Variants in TMEM47 observed in about 807,000 individuals in gnomAD.
TMEM47 encodes brain cell membrane protein 1.
TMEM47 carries 3 observed loss-of-function variants against 12.4 expected under a neutral mutation model. The observed-to-expected ratio is 0.24, with a 90% CI of 0.11 to 0.63. The LOEUF is 0.63. Among genes scored for constraint, TMEM47 ranks in the 20% least tolerant of loss-of-function variants. The probability of loss-of-function intolerance (pLI) is 0.86; values close to 1 mark genes in which losing one functional copy is unlikely to be tolerated. For synonymous variants in TMEM47, 62 were observed against 63.3 expected, an observed-to-expected ratio of 0.98 and a Z score of 0.10; for missense variants, 89 against 143.8, an observed-to-expected ratio of 0.62 and a Z score of 1.95.
Position 34,646,278 on chromosome X carries a change from T to C in TMEM47, c.227-6891A>G, listed in dbSNP as rs370494928. The stretch of plus-strand genomic sequence containing the variant: ...CTTCACAGAATTCTGTCTTAGATAA[T>C]TCAGTGGAAATGTAATTAATAATCT... On this transcript the variant is annotated intron_variant, in intron 1 of 2. Coordinates refer to ENST00000275954, the MANE Select transcript of TMEM47 (RefSeq NM_031442.4). 4.6e-4 allele frequency among the ~76,000 whole-genome samples: 52 copies of C among 112,088 alleles called. 1 individual carries two copies. The South Asian group carries it at 0.015, about 33-fold the overall frequency.
At chrX:34,640,614 T>A (rs1921798551) in intron 1 of TMEM47, among the ~76,000 whole-genome samples, 1 of 111,747 alleles carries the variant, frequency 8.9e-6, no homozygotes, top group African/African-American at 3.3e-5. Flanking sequence ...TTTTAATCTA[T>A]CATTAAATTG....
intron 1 of TMEM47, among the ~76,000 whole-genome samples, chrX:34,644,344 G>T (rs970638667): frequency 8.9e-6 from 1 of 112,098 alleles, no homozygotes; most frequent in Non-Finnish European, 1.9e-5. Context: ...TATGAGACTG[G>T]CCTGAAATCG....
At chrX:34,646,123 A>C in intron 1 of TMEM47, among the ~76,000 whole-genome samples, 1 of 111,715 alleles carries the variant, frequency 9.0e-6, no homozygotes, top group Non-Finnish European at 1.9e-5. Flanking sequence ...GGTTGTCCAA[A>C]ATGCCAGATG....
rs1267804633 is a variant in TMEM47 at position 34,651,646 on chromosome X, C to T, written c.226+5158G>A. 3.6e-5 allele frequency among the ~76,000 whole-genome samples: 4 copies of T among 112,059 alleles called. No individual in the cohort carries two copies. The Admixed American group carries it at 3.8e-4, about 11-fold the overall frequency. On this transcript the variant is annotated intron_variant, in intron 1 of 2. Transcript: ENST00000275954. ...TACTCTTGGTAAGAATCCATCTTTA[C>T]CACTAGTTAATTGAGACCTTGGTAA...
intron 1 of TMEM47, among the ~76,000 whole-genome samples, chrX:34,651,268 A>T (rs965641491): frequency 9.0e-6 from 1 of 111,472 alleles, no homozygotes; most frequent in African/African-American, 3.3e-5. Flanking sequence ...GGCTCTTATG[A>T]CTCTTGTCCT....
At chrX:34,639,147 C>G in intron 2 of TMEM47, 100 bp downstream of exon 2, 1 of 964,472 alleles carries the variant, frequency 1.0e-6, no homozygotes, top group Non-Finnish European at 1.4e-6. Flanking sequence ...TCAATTTTTA[C>G]GTAATGCAGC....
chrX:34,656,583 G>A (rs1922111826), intron 1 of TMEM47, among the ~76,000 whole-genome samples: 1 of 111,213 alleles, frequency 9.0e-6, no homozygotes, highest in South Asian at 3.9e-4. Flanking sequence ...GGGAGAGGGC[G>A]TGGGCTGTCG....
chrX:34,637,794 A>T lies in TMEM47; in HGVS notation c.367+1453T>A, dbSNP rs150161579. ...TGAAGTCTCGGATAGAGATGTTTCC[A>T]AGCGGTAGTAGTAATGTGTCTGTTT... On this transcript the variant is annotated intron_variant, in intron 2 of 2. Coordinates refer to ENST00000275954, the MANE Select transcript of TMEM47 (RefSeq NM_031442.4). Among the ~76,000 whole-genome samples, 232 of 111,624 alleles carry T rather than the reference A, an allele frequency of 2.1e-3. 2 individuals are homozygous for T. Among genetic ancestry groups the T allele is most frequent in the African/African-American group, 7.2e-3 (222 of 30,747 alleles).
intron 1 of TMEM47, among the ~76,000 whole-genome samples, chrX:34,647,881 T>G (rs1921941878): frequency 8.9e-6 from 1 of 112,045 alleles, no homozygotes; most frequent in South Asian, 3.7e-4. Flanking sequence ...AAATTCTTTT[T>G]CAACTTAAAA....
intron 2 of TMEM47, among the ~76,000 whole-genome samples, chrX:34,636,767 A>G (rs1419254284): frequency 8.9e-6 from 1 of 112,014 alleles, no homozygotes; most frequent in Non-Finnish European, 1.9e-5. Flanking sequence ...AAGGTACTAA[A>G]TGCCTTCAGG....
At chrX:34,646,311 A>G (rs1293757981) in intron 1 of TMEM47, among the ~76,000 whole-genome samples, 2 of 112,178 alleles carry the variant, frequency 1.8e-5, no homozygotes, top group Non-Finnish European at 3.8e-5. Context: ...TCTAAACACA[A>G]TAACATATGG....
chrX:34,632,817 A>T (rs1235314519), intron 2 of TMEM47, among the ~76,000 whole-genome samples: 4 of 112,032 alleles, frequency 3.6e-5, no homozygotes, highest in South Asian at 3.7e-4. Flanking sequence ...CATTAATTTT[A>T]AAAAAAGCCC....
rs1921532849 is a variant in TMEM47, at chrX:34,627,679, A to G, written c.*2634T>C. The G allele has an allele frequency of 8.9e-6, 1 of 112,198 alleles. No individual in the cohort carries two copies. Among genetic ancestry groups the G allele is most frequent in the Non-Finnish European group, 1.9e-5 (1 of 53,102 alleles). 9.2% of individuals were successfully genotyped at this position (112,198 alleles called of 1,213,427 possible). A position where few individuals can be genotyped will look rare whatever the true frequency, so the allele number is the denominator to read the frequency against. ...TTATGCTATATGTGTGTGAGTATATATATGTGTGTATATCTATATCTATAG... is the reference window on the plus strand; with the variant it reads ...TTATGCTATATGTGTGTGAGTATATGTATGTGTGTATATCTATATCTATAG... On this transcript the variant is annotated 3_prime_UTR_variant, in exon 3 of 3. Transcript: ENST00000275954.
intron 1 of TMEM47, among the ~76,000 whole-genome samples, chrX:34,641,097 C>CAAA (rs72059132): frequency 6.1e-4 from 60 of 98,051 alleles, no homozygotes; most frequent in South Asian, 1.9e-3. Context: ...ATTAAAAAGC[C>CAAA]AAAAAAAAAA....
intron 1 of TMEM47, among the ~76,000 whole-genome samples, chrX:34,640,126 G>GT (rs1266816225): frequency 9.0e-6 from 1 of 111,712 alleles, no homozygotes; most frequent in Non-Finnish European, 1.9e-5. Context: ...AATATTGTTT[G>GT]TTTTTTCCAC....
intron 1 of TMEM47, among the ~76,000 whole-genome samples, chrX:34,649,818 C>T (rs1002183544): frequency 9.0e-6 from 1 of 111,646 alleles, no homozygotes; most frequent in African/African-American, 3.3e-5. Flanking sequence ...CTCTGCCTCC[C>T]GGGTTCAAGC....
At chrX:34,643,505 T>C (rs1031053127) in intron 1 of TMEM47, among the ~76,000 whole-genome samples, 1 of 112,084 alleles carries the variant, frequency 8.9e-6, no homozygotes, top group African/African-American at 3.2e-5. Flanking sequence ...CACCATTTCT[T>C]CAAAAAAGTC....
At chrX:34,641,213 T>A (rs1240025571) in intron 1 of TMEM47, among the ~76,000 whole-genome samples, 3 of 111,429 alleles carry the variant, frequency 2.7e-5, no homozygotes, top group Admixed American at 1.9e-4. Context: ...AAAACAGGTG[T>A]GTAAATTGAA....
Position 34,640,964 on chromosome X carries a change from T to G in TMEM47, c.227-1577A>C, listed in dbSNP as rs1921806063. On this transcript the variant is annotated intron_variant, in intron 1 of 2. Coordinates refer to ENST00000275954, the MANE Select transcript of TMEM47 (RefSeq NM_031442.4). ...TCACAACAAAGTGGAGAGCATCTTC[T>G]TAATGCCATCTATTTGTAACAAAGC... 4.5e-5 allele frequency among the ~76,000 whole-genome samples: 5 copies of G among 111,419 alleles called. No individual in the cohort carries two copies. The South Asian group carries it at 1.9e-3, about 42-fold the overall frequency.
Sources: gnomAD v4.1 joint callset for allele counts (sites outside exome capture counted in the v4.1 genomes callset) on GRCh38, gnomAD v4.1.1 for gene constraint, MANE v1.5 for transcripts, NCBI Gene and HGNC (gene_info 2026-07-23, HGNC 2026-07-21) for gene names.